The following PCNT variants were observed in gnomAD, a reference collection of about 807,000 sequenced individuals.
The protein encoded by PCNT is pericentrin, also known as kendrin.
A neutral mutation model predicts 380.4 loss-of-function variants in PCNT; 319 were observed. The observed-to-expected ratio is 0.84, with a 90% CI of 0.77 to 0.92. PCNT has a LOEUF of 0.92. Among genes scored for constraint, PCNT ranks in the 40% least tolerant of loss-of-function variants. PCNT has a pLI of 0.00. For missense variants in PCNT, 4,400 were observed against 4,255.3 expected (o/e 1.03, Z -0.95); for synonymous variants, 1,845 against 1,735.2 (o/e 1.06, Z -1.57).
rs775338231 is a variant in PCNT, at chr21:46,347,498, G to A, written c.1018G>A (p.Ala340Thr). The change falls in exon 6 of 47, where the codon GCC (alanine) becomes ACC (threonine). Residue 340 changes from alanine to threonine, a missense_variant. Coordinates refer to ENST00000359568, the MANE Select transcript of PCNT (RefSeq NM_006031.6). ...GTTACAATCAGAAATGGAGAAAAAC[G>A]CCCAGATAGTAAAGGTACCCGGGAT... ...EKLQSEMEKN[A>T]QIVKTLKEDW... is the part of the protein sequence containing the mutation. 13 of 1,613,932 alleles carry A rather than the reference G, an allele frequency of 8.1e-6. No homozygotes were observed. The highest frequency in any genetic ancestry group is 5.0e-5 in the Admixed American group (3 of 59,994).
intron 2 of PCNT, among the ~76,000 whole-genome samples, chr21:46,326,871 G>A (rs1031713916): frequency 9.9e-5 from 15 of 151,684 alleles, no homozygotes; most frequent in African/African-American, 3.4e-4. Flanking sequence ...AAAATTAGCC[G>A]GACATCTGGC....
intron 11 of PCNT, among the ~76,000 whole-genome samples, chr21:46,355,157 T>C (rs1468326336): frequency 6.6e-6 from 1 of 151,954 alleles, no homozygotes; most frequent in African/African-American, 2.4e-5. Context: ...CTGAGAGAAT[T>C]GAGGAGAGGT....
intron 2 of PCNT, among the ~76,000 whole-genome samples, chr21:46,333,932 T>C (rs539310370): frequency 1.5e-4 from 22 of 146,966 alleles, no homozygotes; most frequent in South Asian, 4.4e-4. Context: ...GCTGGCCAGG[T>C]GTGGTGGCTC....
At position 46,407,839 on chromosome 21, in the gene PCNT, C is replaced by T. The variant is rs577180651; in HGVS notation, c.5116-3350C>T. Among the ~76,000 whole-genome samples the T allele has an allele frequency of 1.6e-3, 238 of 152,246 alleles. 2 individuals carry two copies. The highest frequency in any genetic ancestry group is 0.012 in the South Asian group (57 of 4,826). On this transcript the variant is annotated intron_variant, in intron 27 of 46. Transcript: ENST00000359568. ...GTTTTCAAAGAATCAGCTTTTGGCT[C>T]TGATACTTTTCTCTCTTTATTTCTT...
At chr21:46,409,918 G>A (rs958182440) in intron 27 of PCNT, among the ~76,000 whole-genome samples, 10 of 152,190 alleles carry the variant, frequency 6.6e-5, no homozygotes, top group Admixed American at 6.5e-5. Flanking sequence ...TCAGGTTTTG[G>A]TGTTTTACAT....
At position 46,352,404 on chromosome 21, in the gene PCNT, AG is replaced by A. The variant is rs2084306315; in HGVS notation, c.1457-695del. ...TGGAGGCTGGAGAAGAGAGAAGCTG[AG>A]GGGGCCACAGGCACAGCTGCTCCCC... On this transcript the variant is annotated intron_variant, in intron 9 of 46. Coordinates refer to ENST00000359568, the MANE Select transcript of PCNT (RefSeq NM_006031.6). Among the ~76,000 whole-genome samples the A allele has an allele frequency of 2.0e-5, 3 of 152,048 alleles. No homozygotes were observed. The South Asian group carries it at 6.2e-4, about 32-fold the overall frequency.
At chr21:46,420,449 G>A (rs1405558628) in intron 31 of PCNT, 1 of 152,106 alleles carries the variant, frequency 6.6e-6, no homozygotes, top group East Asian at 1.9e-4. Context: ...TATCCTAACT[G>A]TTCCTCTCTC....
intron 15 of PCNT, among the ~76,000 whole-genome samples, chr21:46,372,345 A>G (rs2085180069): frequency 6.6e-6 from 1 of 151,838 alleles, no homozygotes; most frequent in South Asian, 2.1e-4. Flanking sequence ...ACACACATGC[A>G]CACGTGCTTA....
chr21:46,398,128 C>G lies in PCNT; in HGVS notation c.4561C>G (p.Gln1521Glu). The part of the protein sequence containing the change: ...KPQPWGPRDS[Q>E]QAPLDGEVEL... ...GCAGCCCTGGGGCCCTCGCGACAGC[C>G]AGGTGAGTCAGTGCAGCGTGCAGTG... The change falls in exon 23 of 47, where the codon CAG (glutamine) becomes GAG (glutamate). Residue 1521 changes from glutamine to glutamate, a missense_variant and splice_region_variant. Gln to Glu is a conservative substitution (Grantham distance 29, BLOSUM62 2). Transcript: ENST00000359568. 1 of 1,606,664 alleles carries G rather than the reference C, an allele frequency of 6.2e-7. No individual in the cohort carries two copies. The highest frequency in any genetic ancestry group is 1.1e-5 in the South Asian group (1 of 90,092).
intron 39 of PCNT, 82 bp downstream of exon 39, chr21:46,436,230 G>A (rs988267460): frequency 5.9e-5 from 90 of 1,524,548 alleles, no homozygotes; most frequent in African/African-American, 4.9e-4. Context: ...GCTGGGGCGC[G>A]TCTGGTGTGA....
At chr21:46,374,699 A>T (rs2085275359) in intron 15 of PCNT, among the ~76,000 whole-genome samples, 1 of 152,108 alleles carries the variant, frequency 6.6e-6, no homozygotes, top group African/African-American at 2.4e-5. Context: ...AAAATACAAA[A>T]CTAGCCAGCC....
intron 43 of PCNT, among the ~76,000 whole-genome samples, chr21:46,441,865 G>A (rs1218552455): frequency 6.6e-6 from 1 of 152,134 alleles, no homozygotes; most frequent in Non-Finnish European, 1.5e-5. Context: ...ACTGCCTAGG[G>A]TAGCTGCCAC....
intron 4 of PCNT, 155 bp from the exon 5 acceptor site, chr21:46,346,588 A>G (rs1052511973): frequency 1.1e-6 from 1 of 917,586 alleles, no homozygotes; most frequent in Non-Finnish European, 1.7e-6. Flanking sequence ...TCTCAGTGGC[A>G]TCCGGGCCTC....
chr21:46,373,099 T>G (rs2085207079), intron 15 of PCNT, among the ~76,000 whole-genome samples: 1 of 152,204 alleles, frequency 6.6e-6, no homozygotes, highest in Admixed American at 6.5e-5. Context: ...CAGCTCACTG[T>G]GACCTTGAAC....
intron 3 of PCNT, among the ~76,000 whole-genome samples, chr21:46,335,599 A>C (rs2083708230): frequency 6.6e-6 from 1 of 150,410 alleles, no homozygotes; most frequent in South Asian, 2.1e-4. Context: ...CCATCTCACA[A>C]AAAAAAAAGC....
rs376236418 is a variant in PCNT at position 46,357,198 on chromosome 21, C to G, written c.2154+7C>G. The stretch of plus-strand genomic sequence containing the variant: ...GAAGGACGATTTGGAGAAGGTGAGT[C>G]GTGACTCCACAGCCCAGCGCCTCCC... On this transcript the variant is annotated splice_region_variant and intron_variant, in intron 13 of 46. Transcript: ENST00000359568. The G allele has an allele frequency of 6.3e-7, 1 of 1,582,236 alleles. No individual in the cohort carries two copies. Among genetic ancestry groups the G allele is most frequent in the Non-Finnish European group, 8.7e-7 (1 of 1,151,026 alleles).
intron 30 of PCNT, among the ~76,000 whole-genome samples, 189 bp from the exon 31 acceptor site, chr21:46,418,015 A>G (rs1191020885): frequency 6.6e-6 from 1 of 152,218 alleles, no homozygotes; most frequent in African/African-American, 2.4e-5. Flanking sequence ...AAATATTCCT[A>G]AAGAGCTGTG....
chr21:46,440,784 G>A, intron 42 of PCNT, 71 bp from the exon 43 acceptor site: 3 of 925,558 alleles, frequency 3.2e-6, no homozygotes, highest in African/African-American at 1.6e-5. Context: ...GAGCAATGGT[G>A]TTAATGTGCT....
intron 13 of PCNT, among the ~76,000 whole-genome samples, chr21:46,362,629 G>C (rs557739076): frequency 6.6e-6 from 1 of 152,064 alleles, no homozygotes; most frequent in East Asian, 1.9e-4. Context: ...GTAGTTTATT[G>C]ACCTACTTTT....
Sources: gnomAD v4.1 joint callset for allele counts (sites outside exome capture counted in the v4.1 genomes callset) on GRCh38, gnomAD v4.1.1 for gene constraint, MANE v1.5 for transcripts, NCBI Gene and HGNC (gene_info 2026-07-23, HGNC 2026-07-21) for gene names.